SYT14: variants seen among roughly 807,000 people sequenced by gnomAD.
SYT14 encodes synaptotagmin-14.
Under a neutral mutation model 74.2 loss-of-function variants are expected in SYT14, and 32 were observed. The ratio of observed to expected loss-of-function variants is 0.43; its 90% CI spans 0.33 to 0.58. The LOEUF (loss-of-function observed/expected upper bound fraction) is 0.58. SYT14 is among the 20% of genes least tolerant of loss of function. The pLI is 0.05. For missense variants in SYT14, 791 were observed against 981.8 expected, an observed-to-expected ratio of 0.81 and a Z score of 2.60; for synonymous variants, 298 against 337.7, an observed-to-expected ratio of 0.88 and a Z score of 1.29.
At chr1:209,973,957 G>T (rs966675062) in intron 2 of SYT14, among the ~76,000 whole-genome samples, 3 of 152,128 alleles carry the variant, frequency 2.0e-5, no homozygotes, top group African/African-American at 7.2e-5. Flanking sequence ...TTCTCTGATT[G>T]CCAGTGATGA....
At chr1:209,985,422 G>C (rs2079554210) in intron 2 of SYT14, among the ~76,000 whole-genome samples, 1 of 152,242 alleles carries the variant, frequency 6.6e-6, no homozygotes, top group Admixed American at 6.5e-5. Context: ...GCTTCAAGGG[G>C]TGGGCTCCCA....
At chr1:210,004,833 A>G (rs1209970317) in intron 2 of SYT14, among the ~76,000 whole-genome samples, 1 of 151,980 alleles carries the variant, frequency 6.6e-6, no homozygotes, top group African/African-American at 2.4e-5. Flanking sequence ...TTTCAAATAT[A>G]TTTGCTTTTA....
At chr1:209,960,426 C>A (rs1419171693) in intron 2 of SYT14, among the ~76,000 whole-genome samples, 3 of 151,944 alleles carry the variant, frequency 2.0e-5, no homozygotes, top group South Asian at 2.1e-4. Flanking sequence ...TTACTGAATC[C>A]ATTGGGAAGA....
chr1:209,983,290 A>G (rs1279481577), intron 2 of SYT14, among the ~76,000 whole-genome samples: 1 of 151,554 alleles, frequency 6.6e-6, no homozygotes. Context: ...ACTTCTTCTG[A>G]TATTGTTCTG....
intron 1 of SYT14, among the ~76,000 whole-genome samples, chr1:209,950,665 G>A (rs919152308): frequency 2.0e-5 from 3 of 152,084 alleles, no homozygotes; most frequent in Admixed American, 1.3e-4. Flanking sequence ...ACCTACTTTG[G>A]TGATAGAAAT....
intron 5 of SYT14, among the ~76,000 whole-genome samples, chr1:210,043,021 T>C (rs2080822685): frequency 6.6e-6 from 1 of 152,212 alleles, no homozygotes. Context: ...TGTCCTCTTT[T>C]ATTTCCTTGA....
chr1:210,100,457 A>C (rs777636872), exon 7 of SYT14: 3 of 1,612,602 alleles, frequency 1.9e-6, no homozygotes, highest in East Asian at 4.5e-5. Flanking sequence ...TCTTACAATC[A>C]TTCTGTGAGT....
chr1:210,126,235 T>TA (rs2082567793), intron 7 of SYT14, among the ~76,000 whole-genome samples: 1 of 152,006 alleles, frequency 6.6e-6, no homozygotes, highest in Admixed American at 6.6e-5. Flanking sequence ...AACATCCACT[T>TA]ACTTTCTTCA....
chr1:210,039,510 CA>C (rs1485072117), intron 5 of SYT14, among the ~76,000 whole-genome samples: 5 of 152,130 alleles, frequency 3.3e-5, no homozygotes, highest in Non-Finnish European at 1.5e-5. Flanking sequence ...AAAGCAATGG[CA>C]ACAGAAGCCA....
At chr1:210,033,783 A>G (rs1020882322) in intron 5 of SYT14, among the ~76,000 whole-genome samples, 2 of 151,722 alleles carry the variant, frequency 1.3e-5, no homozygotes, top group Admixed American at 6.6e-5. Context: ...TAAGTGAAAA[A>G]CGTATCATGG....
chr1:210,046,443 C>T (rs545907910), intron 5 of SYT14, among the ~76,000 whole-genome samples: 13 of 152,084 alleles, frequency 8.5e-5, no homozygotes, highest in African/African-American at 2.9e-4. Flanking sequence ...TGTAACTTTA[C>T]TGAATGGTAT....
chr1:209,984,073 G>A (rs1461767213), intron 2 of SYT14, among the ~76,000 whole-genome samples: 4 of 152,220 alleles, frequency 2.6e-5, no homozygotes, highest in Non-Finnish European at 5.9e-5. Flanking sequence ...AATAGCCACT[G>A]TTGGCAAAGC....
chr1:209,942,158 G>C (rs924362932), intron 1 of SYT14, among the ~76,000 whole-genome samples: 6 of 152,092 alleles, frequency 3.9e-5, no homozygotes, highest in African/African-American at 1.4e-4. Flanking sequence ...TTGTTTCGTG[G>C]AATTCTGAAC....
chr1:210,099,479 T>C (rs1444272126), intron 6 of SYT14, among the ~76,000 whole-genome samples: 2 of 152,188 alleles, frequency 1.3e-5, no homozygotes, highest in African/African-American at 4.8e-5. Flanking sequence ...TTATTTATAG[T>C]TTCATATTTC....
chr1:210,063,002 G>A (rs2081233240), intron 5 of SYT14, among the ~76,000 whole-genome samples: 1 of 143,460 alleles, frequency 7.0e-6, no homozygotes, highest in African/African-American at 2.6e-5. Flanking sequence ...AGCCTTTGTT[G>A]CATGTAATAT....
intron 7 of SYT14, among the ~76,000 whole-genome samples, chr1:210,141,430 T>C (rs2082912350): frequency 6.6e-6 from 1 of 152,222 alleles, no homozygotes; most frequent in Non-Finnish European, 1.5e-5. Flanking sequence ...TAGTAGTTAT[T>C]TTCTTCATGT....
intron 2 of SYT14, among the ~76,000 whole-genome samples, chr1:209,976,480 G>A (rs2079367351): frequency 6.6e-6 from 1 of 152,060 alleles, no homozygotes; most frequent in Non-Finnish European, 1.5e-5. Flanking sequence ...GCATTCAGGA[G>A]CAGGTTGTTC....
intron 2 of SYT14, among the ~76,000 whole-genome samples, chr1:209,983,075 C>G (rs544556874): frequency 6.6e-6 from 1 of 151,330 alleles, no homozygotes; most frequent in African/African-American, 2.4e-5. Flanking sequence ...TTTAAGAGTT[C>G]TTTATATATT....
At chr1:210,169,966 T>C (rs2083505867) in exon 10 of SYT14, 1 of 152,014 alleles carries the variant, frequency 6.6e-6, no homozygotes, top group South Asian at 2.1e-4. Context: ...CTTCCCTCCC[T>C]CCTTCCTTCC....
Sources: gnomAD v4.1 joint callset for allele counts (sites outside exome capture counted in the v4.1 genomes callset) on GRCh38, gnomAD v4.1.1 for gene constraint, MANE v1.5 for transcripts, NCBI Gene and HGNC (gene_info 2026-07-23, HGNC 2026-07-21) for gene names.